IL1RAPL1: variants seen among roughly 807,000 people sequenced by gnomAD.
The protein encoded by IL1RAPL1 is interleukin 1 receptor accessory protein like 1.
Under a neutral mutation model 48.4 loss-of-function variants are expected in IL1RAPL1, and 3 were observed. That is an observed-to-expected ratio of 0.06 (90% CI 0.03 to 0.16). IL1RAPL1 has a LOEUF of 0.16. Ranked by LOEUF, IL1RAPL1 falls within the 10% of genes least tolerant of loss-of-function variation. IL1RAPL1 has a pLI of 1.00. For missense variants in IL1RAPL1, 349 were observed against 530.6 expected (o/e 0.66, Z 3.36); for synonymous variants, 185 against 187.7 (o/e 0.99, Z 0.12).
At chrX:28,773,292 G>A (rs777466560) in intron 1 of IL1RAPL1, among the ~76,000 whole-genome samples, 1 of 111,077 alleles carries the variant, frequency 9.0e-6, no homozygotes, top group Non-Finnish European at 1.9e-5. Context: ...GCCGAGGCTC[G>A]TCTTGAAATC....
chrX:29,055,672 AACT>A (rs903956357), intron 2 of IL1RAPL1, among the ~76,000 whole-genome samples: 1 of 112,175 alleles, frequency 8.9e-6, no homozygotes, highest in Non-Finnish European at 1.9e-5. Flanking sequence ...TTCTCAAAAC[AACT>A]AAAATTTGTA....
At chrX:29,268,886 T>C (rs1931997473) in intron 2 of IL1RAPL1, among the ~76,000 whole-genome samples, 1 of 112,114 alleles carries the variant, frequency 8.9e-6, no homozygotes, top group South Asian at 3.7e-4. Context: ...TGTAAAATCA[T>C]TCATCCTCTA....
chrX:28,637,053 A>G (rs1934474272), intron 1 of IL1RAPL1, among the ~76,000 whole-genome samples: 1 of 111,494 alleles, frequency 9.0e-6, no homozygotes, highest in African/African-American at 3.3e-5. Flanking sequence ...TTATTAGAAA[A>G]TTTGAAGGAA....
At chrX:29,734,766 C>A (rs1928004914) in intron 6 of IL1RAPL1, among the ~76,000 whole-genome samples, 1 of 111,504 alleles carries the variant, frequency 9.0e-6, no homozygotes, top group Admixed American at 9.5e-5. Context: ...CCCTTGCTTT[C>A]AGCACCATCA....
At chrX:29,776,834 T>C (rs1469503687) in intron 6 of IL1RAPL1, among the ~76,000 whole-genome samples, 2 of 111,503 alleles carry the variant, frequency 1.8e-5, no homozygotes, top group African/African-American at 3.3e-5. Flanking sequence ...TTTTAAACAA[T>C]AGACATTTTT....
At chrX:29,621,234 TA>T (rs1402801317) in intron 5 of IL1RAPL1, among the ~76,000 whole-genome samples, 2 of 111,763 alleles carry the variant, frequency 1.8e-5, no homozygotes, top group African/African-American at 6.5e-5. Flanking sequence ...AAATTTAGGT[TA>T]CATTATTGCT....
intron 2 of IL1RAPL1, among the ~76,000 whole-genome samples, chrX:28,823,267 C>T (rs371165315): frequency 6.3e-5 from 7 of 111,331 alleles, no homozygotes; most frequent in African/African-American, 6.5e-5. Context: ...CAGATCTTGA[C>T]GGTAACTTAT....
chrX:29,636,775 A>C (rs1924977620), intron 5 of IL1RAPL1, among the ~76,000 whole-genome samples: 1 of 111,997 alleles, frequency 8.9e-6, no homozygotes, highest in South Asian at 3.7e-4. Flanking sequence ...ACTGTGGCTC[A>C]CGCCTGTAAT....
intron 2 of IL1RAPL1, among the ~76,000 whole-genome samples, chrX:29,068,069 G>T (rs1927488000): frequency 9.0e-6 from 1 of 111,576 alleles, no homozygotes; most frequent in African/African-American, 3.3e-5. Flanking sequence ...CACAAGAATA[G>T]ATAATACTTT....
At chrX:28,644,125 A>G (rs1272504985) in intron 1 of IL1RAPL1, among the ~76,000 whole-genome samples, 3 of 111,452 alleles carry the variant, frequency 2.7e-5, no homozygotes, top group African/African-American at 9.8e-5. Context: ...AGTGTTATAT[A>G]TATATATAAT....
chrX:29,336,269 CATAT>C (rs57126796), intron 3 of IL1RAPL1, among the ~76,000 whole-genome samples: 27 of 57,461 alleles, frequency 4.7e-4, no homozygotes, highest in African/African-American at 1.5e-3. Context: ...ATATATATGC[CATAT>C]ATATATATAT....
At chrX:29,161,170 A>G (rs1346536044) in intron 2 of IL1RAPL1, among the ~76,000 whole-genome samples, 3 of 111,799 alleles carry the variant, frequency 2.7e-5, no homozygotes, top group African/African-American at 9.8e-5. Flanking sequence ...AGGGCTGACC[A>G]TCCATTGAAA....
chrX:28,910,389 G>C (rs1923328468), intron 2 of IL1RAPL1, among the ~76,000 whole-genome samples: 1 of 110,103 alleles, frequency 9.1e-6, no homozygotes, highest in African/African-American at 3.3e-5. Flanking sequence ...TTATTTTATA[G>C]GTCAATACAT....
chrX:28,833,828 C>T (rs1921134695), intron 2 of IL1RAPL1, among the ~76,000 whole-genome samples: 1 of 111,899 alleles, frequency 8.9e-6, no homozygotes, highest in African/African-American at 3.2e-5. Context: ...GAGAAATAGA[C>T]TTTGATTTAA....
intron 6 of IL1RAPL1, among the ~76,000 whole-genome samples, chrX:29,742,807 G>C (rs953527568): frequency 1.8e-5 from 2 of 111,503 alleles, no homozygotes. Context: ...TCTTTAGGCT[G>C]GGTTACTAAT....
At chrX:29,193,813 G>C (rs1188425625) in intron 2 of IL1RAPL1, among the ~76,000 whole-genome samples, 1 of 111,716 alleles carries the variant, frequency 9.0e-6, no homozygotes, top group Non-Finnish European at 1.9e-5. Context: ...ACTATATGTA[G>C]ATTGTACCAA....
intron 6 of IL1RAPL1, among the ~76,000 whole-genome samples, chrX:29,874,035 T>A (rs1351694736): frequency 8.9e-6 from 1 of 112,345 alleles, no homozygotes; most frequent in Non-Finnish European, 1.9e-5. Context: ...TCCCACTAAT[T>A]TGCTTGCGAT....
intron 1 of IL1RAPL1, among the ~76,000 whole-genome samples, chrX:28,716,249 G>A (rs1302586456): frequency 8.9e-6 from 1 of 111,804 alleles, no homozygotes; most frequent in Admixed American, 9.5e-5. Context: ...GGCAAAAGCT[G>A]GAAGCATTCC....
chrX:29,376,094 C>A (rs1347970980), intron 3 of IL1RAPL1, among the ~76,000 whole-genome samples: 1 of 111,128 alleles, frequency 9.0e-6, no homozygotes, highest in Non-Finnish European at 1.9e-5. Flanking sequence ...ATTTTCTTTT[C>A]TTCTCCTAGT....
Sources: gnomAD v4.1 joint callset for allele counts (sites outside exome capture counted in the v4.1 genomes callset) on GRCh38, gnomAD v4.1.1 for gene constraint, MANE v1.5 for transcripts, NCBI Gene and HGNC (gene_info 2026-07-23, HGNC 2026-07-21) for gene names.